The following ARHGAP19 variants were observed in gnomAD, a reference collection of about 807,000 sequenced individuals.
ARHGAP19 encodes the protein rho GTPase-activating protein 19.
In ARHGAP19, 48 loss-of-function variants were observed where a neutral mutation model predicts 60.9. The observed-to-expected ratio is 0.79, with a 90% CI of 0.62 to 1.00. The LOEUF (loss-of-function observed/expected upper bound fraction) is 1.00. Among genes scored for constraint, ARHGAP19 ranks in the 50% least tolerant of loss-of-function variants. The probability of loss-of-function intolerance (pLI) is 0.00; values close to 1 mark genes in which losing one functional copy is unlikely to be tolerated. For synonymous variants in ARHGAP19, 209 were observed against 215.5 expected, an observed-to-expected ratio of 0.97 and a Z score of 0.27; for missense variants, 562 against 597.2, an observed-to-expected ratio of 0.94 and a Z score of 0.61.
chr10:97,235,310 A>G lies in ARHGAP19; in HGVS notation c.1191T>C (p.Asn397=), dbSNP rs371589556. The G allele has an allele frequency of 2.8e-5, 45 of 1,608,752 alleles. No individual in the cohort carries two copies. The East Asian group carries it at 4.7e-4, about 17-fold the overall frequency. Residue 397 remains asparagine, a synonymous_variant, in exon 9 of 12, where the codon AAT becomes AAC. Coordinates refer to ENST00000358531, the MANE Select transcript of ARHGAP19 (RefSeq NM_032900.6). The part of the protein sequence containing the change: ...AKKKQLIRQF[N]KQSLTQTPGR... ...CTGGTGTCTGGGTCAATGATTGCTT[A>G]TTAAACTAAAAGAAAACATGGAGAA...
chr10:97,291,145 A>G (rs1185851408), intron 1 of ARHGAP19, among the ~76,000 whole-genome samples: 1 of 152,182 alleles, frequency 6.6e-6, no homozygotes, highest in African/African-American at 2.4e-5. Flanking sequence ...AGCGGGAGGG[A>G]CAAGGATCAG....
Position 97,256,360 on chromosome 10 carries a change from A to C in ARHGAP19, c.885T>G (p.Ser295Arg). ...DLQENITKLN[S>R]GMAFMIKHSQ... ...AGTGTTTAATCATAAAAGCCATCCC[A>C]CTGTTTAACTTTGTGATATTCTCCT... The change falls in exon 6 of 12, where the codon AGT becomes AGG. Residue 295 changes from serine to arginine, a missense_variant. Coordinates refer to ENST00000358531, the MANE Select transcript of ARHGAP19 (RefSeq NM_032900.6). 6.2e-7 allele frequency: 1 copy of C among 1,614,110 alleles called. No homozygotes were observed. The highest frequency in any genetic ancestry group is 8.5e-7 in the Non-Finnish European group (1 of 1,179,988).
chr10:97,263,266 C>A (rs937450879), intron 4 of ARHGAP19, among the ~76,000 whole-genome samples, 154 bp downstream of exon 4: 4 of 152,144 alleles, frequency 2.6e-5, no homozygotes, highest in Admixed American at 6.5e-5. Flanking sequence ...CTAGCCAATA[C>A]CTATGAGTAC....
intron 8 of ARHGAP19, among the ~76,000 whole-genome samples, chr10:97,241,602 A>T (rs1842482817): frequency 1.3e-5 from 2 of 150,582 alleles, no homozygotes; most frequent in Admixed American, 6.6e-5. Flanking sequence ...AGTCCTAGCT[A>T]TTCAGCAGGC....
chr10:97,246,910 G>C (rs1842572036), intron 6 of ARHGAP19, among the ~76,000 whole-genome samples: 1 of 152,036 alleles, frequency 6.6e-6, no homozygotes, highest in Admixed American at 6.6e-5. Flanking sequence ...GGCCAAGGTG[G>C]GTGGATCACC....
intron 8 of ARHGAP19, among the ~76,000 whole-genome samples, chr10:97,239,219 G>A (rs1842429243): frequency 6.6e-6 from 1 of 152,186 alleles, no homozygotes; most frequent in Non-Finnish European, 1.5e-5. Context: ...AGTGGGCCGG[G>A]AGCGGTGGCT....
intron 1 of ARHGAP19, among the ~76,000 whole-genome samples, chr10:97,274,808 A>G (rs1843003222): frequency 6.6e-6 from 1 of 152,226 alleles, no homozygotes; most frequent in Non-Finnish European, 1.5e-5. Context: ...CTAGATATGT[A>G]GGCATACAGA....
At chr10:97,257,586 G>A (rs1842773384) in intron 5 of ARHGAP19, among the ~76,000 whole-genome samples, 1 of 152,062 alleles carries the variant, frequency 6.6e-6, no homozygotes, top group African/African-American at 2.4e-5. Context: ...GATTACAGGC[G>A]TAAGTCACTA....
chr10:97,241,377 C>T (rs1020910232), intron 8 of ARHGAP19, among the ~76,000 whole-genome samples: 17 of 151,080 alleles, frequency 1.1e-4, no homozygotes, highest in African/African-American at 3.7e-4. Flanking sequence ...GGCAACAGAG[C>T]GAGACTCCAT....
At chr10:97,244,902 T>TC in intron 7 of ARHGAP19, among the ~76,000 whole-genome samples, 1 of 151,206 alleles carries the variant, frequency 6.6e-6, no homozygotes, top group South Asian at 2.1e-4. Context: ...TTTTTTTTTT[T>TC]CAGAGCAGGA....
At chr10:97,232,743 C>T (rs764408975) in intron 9 of ARHGAP19, among the ~76,000 whole-genome samples, 4 of 151,882 alleles carry the variant, frequency 2.6e-5, no homozygotes, top group South Asian at 2.1e-4. Context: ...TTTGTAAATG[C>T]TAACAGCTGT....
At position 97,223,504 on chromosome 10, in the gene ARHGAP19, C is replaced by T. The variant is rs1490119563; in HGVS notation, c.*2618G>A. The T allele has an allele frequency of 6.6e-6, 1 of 152,168 alleles. No homozygotes were observed. The highest frequency in any genetic ancestry group is 2.4e-5 in the African/African-American group (1 of 41,438). The allele number at this position is 152,168 out of a possible 1,614,324, so 9.4% of individuals were successfully genotyped here. ...TGGCCTGCAGTTTAATATGTGTATCCCTCTGGCACAAACACAAGGCCCCAA... is the reference window on the plus strand; with the variant it reads ...TGGCCTGCAGTTTAATATGTGTATCTCTCTGGCACAAACACAAGGCCCCAA... On this transcript the variant is annotated 3_prime_UTR_variant, in exon 12 of 12. Coordinates refer to ENST00000358531, the MANE Select transcript of ARHGAP19 (RefSeq NM_032900.6).
At position 97,259,494 on chromosome 10, in the gene ARHGAP19, G is replaced by C; in HGVS notation, c.748C>G (p.Leu250Val). The change falls in exon 5 of 12, where the codon CTA (leucine) becomes GTA (valine). Residue 250 changes from leucine (L) to valine (V), a missense_variant. Coordinates refer to ENST00000358531, the MANE Select transcript of ARHGAP19 (RefSeq NM_032900.6). ...TCTTGTTTCTTTGCTGTCTGGTATA[G>C]GAGATCAAGCAATAACTTCAGCAAA... Reference protein sequence around the residue: ...RNLLKLLLDLLYQTAKKQDKN... With the variant: ...RNLLKLLLDLVYQTAKKQDKN... 2 of 1,614,154 alleles carry C rather than the reference G, an allele frequency of 1.2e-6. No individual in the cohort carries two copies. The highest frequency in any genetic ancestry group is 8.5e-7 in the Non-Finnish European group (1 of 1,180,016).
intron 8 of ARHGAP19, 29 bp downstream of exon 8, chr10:97,243,939 C>T (rs765727914): frequency 1.9e-6 from 3 of 1,557,478 alleles, no homozygotes; most frequent in African/African-American, 1.4e-5. Flanking sequence ...CTCCTAAAGC[C>T]CCATCACAAC....
chr10:97,284,729 A>C (rs1843130971), intron 1 of ARHGAP19, among the ~76,000 whole-genome samples: 1 of 151,384 alleles, frequency 6.6e-6, no homozygotes, highest in East Asian at 1.9e-4. Flanking sequence ...CTGGTCTCAA[A>C]CTCCTGGGCT....
Position 97,222,825 on chromosome 10 carries a change from G to A in ARHGAP19, c.*3297C>T, listed in dbSNP as rs1285585142. ...ACACAAAAATGACCTCAGAATGGGG[G>A]CCATTAGCCTCAAGCATCTGTGTGA... On this transcript the variant is annotated 3_prime_UTR_variant, in exon 12 of 12. Transcript: ENST00000358531. The A allele has an allele frequency of 6.6e-6, 1 of 152,146 alleles. No individual in the cohort carries two copies. Among genetic ancestry groups the A allele is most frequent in the Non-Finnish European group, 1.5e-5 (1 of 68,018 alleles). 9.4% of individuals were successfully genotyped at this position (152,146 alleles called of 1,614,324 possible). A position where few individuals can be genotyped will look rare whatever the true frequency, so the allele number is the denominator to read the frequency against.
chr10:97,278,095 C>A (rs1191666552), intron 1 of ARHGAP19: 1 of 153,262 alleles, frequency 6.5e-6, no homozygotes, highest in Non-Finnish European at 1.5e-5. Context: ...AACTTATACT[C>A]TGTAAGCAGA....
rs758889834 is a variant in ARHGAP19 at position 97,292,585 on chromosome 10, C to T, written c.43G>A (p.Glu15Lys). 8.7e-6 allele frequency: 14 copies of T among 1,614,098 alleles called. No individual in the cohort carries two copies. In the East Asian group the frequency reaches 2.9e-4, roughly 33 times the overall value. ...AACTCAGCTCACCTCCGGCCGGATT[C>T]GCGGGCTGGCACCTCCCCTTCACTC... The part of the protein sequence containing the change: ...AQSEGEVPAR[E>K]SGRSDAICSF... The change falls in exon 1 of 12, where the codon GAA becomes AAA. Residue 15 changes from glutamate to lysine, a missense_variant. By Grantham distance (56) the Glu-to-Lys change is moderately conservative. Transcript: ENST00000358531.
At chr10:97,244,747 G>C (rs1283054148) in intron 7 of ARHGAP19, among the ~76,000 whole-genome samples, 2 of 152,192 alleles carry the variant, frequency 1.3e-5, no homozygotes, top group Non-Finnish European at 2.9e-5. Flanking sequence ...ATGAATATTT[G>C]CTGAATAAGA....
Sources: allele counts gnomAD v4.1 joint callset (sites outside exome capture counted in the v4.1 genomes callset), GRCh38; gene constraint gnomAD v4.1.1; transcripts MANE v1.5; gene names NCBI Gene and HGNC (gene_info 2026-07-23, HGNC 2026-07-21).